Variants in KATNA1 observed in about 807,000 individuals in gnomAD.
The protein encoded by KATNA1 is katanin p60 ATPase-containing subunit A1.
In KATNA1, 42 loss-of-function variants were observed where a neutral mutation model predicts 62.6. The observed-to-expected ratio is 0.67, with a 90% CI of 0.52 to 0.87. The LOEUF (loss-of-function observed/expected upper bound fraction) is 0.87, where lower values mean the gene tolerates loss of function less well. Among genes scored for constraint, KATNA1 ranks in the 40% least tolerant of loss-of-function variants. KATNA1 has a pLI of 0.00. For synonymous variants in KATNA1, 186 were observed against 201.9 expected, an observed-to-expected ratio of 0.92 and a Z score of 0.67; for missense variants, 498 against 612.5, an observed-to-expected ratio of 0.81 and a Z score of 1.97.
At position 149,597,549 on chromosome 6, in the gene KATNA1, T is replaced by G. The variant is rs776751803; in HGVS notation, c.1108A>C (p.Arg370=). ...NFPWDIDEAL[R]RRLEKRIYIP... ...TAGATTCGTTTCTCAAGGCGTCGTCTTAAAGCCTCATCTATATCCCAGGGA... is the reference window on the plus strand; with the variant it reads ...TAGATTCGTTTCTCAAGGCGTCGTCGTAAAGCCTCATCTATATCCCAGGGA... Residue 370 remains arginine (R), a synonymous_variant, in exon 9 of 11, where the codon AGA becomes CGA. Coordinates refer to ENST00000367411, the MANE Select transcript of KATNA1 (RefSeq NM_007044.4). The G allele has an allele frequency of 6.2e-7, 1 of 1,614,130 alleles. No individual in the cohort carries two copies. The highest frequency in any genetic ancestry group is 1.7e-5 in the Admixed American group (1 of 60,026).
At chr6:149,599,186 T>C (rs553986897) in intron 7 of KATNA1, among the ~76,000 whole-genome samples, 2 of 152,154 alleles carry the variant, frequency 1.3e-5, no homozygotes, top group Non-Finnish European at 2.9e-5. Context: ...TTAAAGAGAG[T>C]CAATACTTGG....
chr6:149,648,577 T>C lies in KATNA1; in HGVS notation c.-122A>G, dbSNP rs1780574320. ...GAGGGCCTGACCCAGTCCAGCCCAC[T>C]TTGCTCTCCGCTCACGGCCCCAGTA... On this transcript the variant is annotated 5_prime_UTR_variant, in exon 1 of 11. Coordinates refer to ENST00000367411, the MANE Select transcript of KATNA1 (RefSeq NM_007044.4). 1 of 152,348 alleles carries C rather than the reference T, an allele frequency of 6.6e-6. No individual in the cohort carries two copies. Among genetic ancestry groups the C allele is most frequent in the Non-Finnish European group, 1.5e-5 (1 of 68,178 alleles). The allele number at this position is 152,348 out of a possible 1,614,324, so 9.4% of individuals were successfully genotyped here. A position where few individuals can be genotyped will look rare whatever the true frequency, so the allele number is the denominator to read the frequency against.
At chr6:149,607,072 A>G (rs765504778) in intron 4 of KATNA1, among the ~76,000 whole-genome samples, 1 of 152,256 alleles carries the variant, frequency 6.6e-6, no homozygotes, top group African/African-American at 2.4e-5. Flanking sequence ...TATCAGGAAC[A>G]TATACTGTAA....
chr6:149,609,056 CAATG>C (rs1778848354), intron 4 of KATNA1, among the ~76,000 whole-genome samples: 1 of 152,160 alleles, frequency 6.6e-6, no homozygotes, highest in African/African-American at 2.4e-5. Flanking sequence ...TGTAAAGAGA[CAATG>C]AACAGATGCC....
intron 4 of KATNA1, among the ~76,000 whole-genome samples, chr6:149,610,635 C>A (rs1220645404): frequency 1.1e-4 from 17 of 152,128 alleles, no homozygotes; most frequent in Admixed American, 1.1e-3. Context: ...CAATGGCTAT[C>A]AAAGAACACA....
At chr6:149,628,023 T>A (rs1333090497) in intron 3 of KATNA1, among the ~76,000 whole-genome samples, 1 of 152,002 alleles carries the variant, frequency 6.6e-6, no homozygotes, top group Non-Finnish European at 1.5e-5. Context: ...CAGCTGACAT[T>A]TGAAAAGAAT....
intron 3 of KATNA1, among the ~76,000 whole-genome samples, chr6:149,627,143 C>T (rs1779643606): frequency 1.3e-5 from 2 of 150,680 alleles, no homozygotes; most frequent in African/African-American, 2.4e-5. Context: ...GCCTGTAATC[C>T]CAGCACTTTG....
intron 4 of KATNA1, among the ~76,000 whole-genome samples, chr6:149,613,913 G>T (rs1289840404): frequency 6.6e-6 from 1 of 152,160 alleles, no homozygotes; most frequent in African/African-American, 2.4e-5. Flanking sequence ...GTATCACACA[G>T]CATTTGGATT....
At chr6:149,625,359 G>A (rs1218327900) in intron 3 of KATNA1, among the ~76,000 whole-genome samples, 1 of 152,160 alleles carries the variant, frequency 6.6e-6, no homozygotes, top group African/African-American at 2.4e-5. Context: ...TTCAGGCCGG[G>A]CACGGTGGCT....
rs140825011 is a variant in KATNA1 at position 149,612,703 on chromosome 6, G to A, written c.502-7921C>T. 5.8e-3 allele frequency among the ~76,000 whole-genome samples: 887 copies of A among 152,038 alleles called. 6 individuals are homozygous for A. The highest frequency in any genetic ancestry group is 0.02 in the African/African-American group (846 of 41,460). On this transcript the variant is annotated intron_variant, in intron 4 of 10. Coordinates refer to ENST00000367411, the MANE Select transcript of KATNA1 (RefSeq NM_007044.4). Reference sequence around the variant, plus strand: ...TCATGAATATACAGATGCAAAAATTGTTAACAAAATATTACCAAATAGAAT... The same window carrying A: ...TCATGAATATACAGATGCAAAAATTATTAACAAAATATTACCAAATAGAAT...
chr6:149,618,053 G>GCTGA (rs1285585849), intron 4 of KATNA1, among the ~76,000 whole-genome samples: 1 of 148,342 alleles, frequency 6.7e-6, no homozygotes, highest in Non-Finnish European at 1.5e-5. Flanking sequence ...TACTCGGCAG[G>GCTGA]CTGAGGCAGG....
intron 7 of KATNA1, among the ~76,000 whole-genome samples, chr6:149,600,195 A>T (rs1203426451): frequency 1.2e-4 from 3 of 25,948 alleles, no homozygotes; most frequent in South Asian, 1.7e-3. Flanking sequence ...AGCTTATCTT[A>T]AAAAAAAAAA....
chr6:149,614,993 T>G (rs1455966153), intron 4 of KATNA1, among the ~76,000 whole-genome samples: 1 of 151,650 alleles, frequency 6.6e-6, no homozygotes, highest in Non-Finnish European at 1.5e-5. Flanking sequence ...ATTAGCCAGG[T>G]GTGGTGACAC....
chr6:149,605,309 G>A (rs1329939551), intron 4 of KATNA1, among the ~76,000 whole-genome samples: 1 of 152,066 alleles, frequency 6.6e-6, no homozygotes, highest in Non-Finnish European at 1.5e-5. Context: ...CAAATGAACT[G>A]GCTAGCATAA....
In KATNA1 at chr6:149,601,707, C is replaced by G; in HGVS notation, c.775G>C (p.Ala259Pro). 1 of 1,611,956 alleles carries G rather than the reference C, an allele frequency of 6.2e-7. No individual in the cohort carries two copies. Among genetic ancestry groups the G allele is most frequent in the Non-Finnish European group, 8.5e-7 (1 of 1,179,382 alleles). The change falls in exon 7 of 11, where the codon GCT becomes CCT. Residue 259 changes from alanine (A) to proline (P), a missense_variant. By Grantham distance (27) the Ala-to-Pro change is conservative. Coordinates refer to ENST00000367411, the MANE Select transcript of KATNA1 (RefSeq NM_007044.4). ...GPPGTGKTLLAKAVATECKTT... is the reference protein window; with the variant it reads ...GPPGTGKTLLPKAVATECKTT... ...TTGCATTCTGTAGCTACTGCTTTAG[C>G]AAGGAGCGTCTTCCCCGTGCCAGGT...
In KATNA1 at chr6:149,626,214, G is replaced by A. The variant is rs139571405; in HGVS notation, c.321-2931C>T. Among the ~76,000 whole-genome samples, 50 of 151,172 alleles carry A rather than the reference G, an allele frequency of 3.3e-4. 1 individual carries two copies. In the South Asian group the frequency reaches 7.5e-3, roughly 23 times the overall value. On this transcript the variant is annotated intron_variant, in intron 3 of 10. Coordinates refer to ENST00000367411, the MANE Select transcript of KATNA1 (RefSeq NM_007044.4). ...TTTTGAAAATAAAGATGGTTGAGTC[G>A]GTACTGAACATGTACAAACCTTTTT...
intron 1 of KATNA1, among the ~76,000 whole-genome samples, chr6:149,646,840 A>G (rs1780503554): frequency 6.6e-6 from 1 of 152,242 alleles, no homozygotes; most frequent in Non-Finnish European, 1.5e-5. Context: ...CATGTTATCA[A>G]CACTGACCAT....
chr6:149,635,756 C>T (rs1780041971), intron 2 of KATNA1, among the ~76,000 whole-genome samples: 1 of 149,580 alleles, frequency 6.7e-6, no homozygotes, highest in Admixed American at 6.7e-5. Flanking sequence ...GTATATTTTA[C>T]CACAATAAGA....
chr6:149,614,372 G>A (rs958368691), intron 4 of KATNA1, among the ~76,000 whole-genome samples: 3 of 152,150 alleles, frequency 2.0e-5, no homozygotes, highest in African/African-American at 4.8e-5. Context: ...AAGGGCCACC[G>A]ACCTTTTATT....
Sources: allele counts gnomAD v4.1 joint callset (sites outside exome capture counted in the v4.1 genomes callset), GRCh38; gene constraint gnomAD v4.1.1; transcripts MANE v1.5; gene names NCBI Gene and HGNC (gene_info 2026-07-23, HGNC 2026-07-21).